DPP10: variants seen among roughly 807,000 people sequenced by gnomAD.
DPP10 encodes inactive dipeptidyl peptidase 10.
DPP10 carries 33 observed loss-of-function variants against 120.9 expected under a neutral mutation model. That is an observed-to-expected ratio of 0.27 (90% CI 0.21 to 0.37). The LOEUF is 0.37. Ranked by LOEUF, DPP10 falls within the 10% of genes least tolerant of loss-of-function variation. The pLI is 1.00. For synonymous variants in DPP10, 337 were observed against 326.1 expected (o/e 1.03, Z -0.36); for missense variants, 816 against 942.8 (o/e 0.87, Z 1.76).
chr2:115,689,687 A>T lies in DPP10; in HGVS notation c.442A>T (p.Ile148Phe), dbSNP rs2091200260. Residue 148 changes from isoleucine (I) to phenylalanine (F), a missense_variant and splice_region_variant, in exon 6 of 26, where the codon ATT becomes TTT. This residue lies in a region of DPP10 where 182 missense variants were observed against 207.4 expected (regional missense o/e 0.88). Transcript: ENST00000410059. ...YVLLAYDVKQIFHYSYTASYV... is the reference protein window; with the variant it reads ...YVLLAYDVKQFFHYSYTASYV... ...AATAATGTTTCTTTTTTAATTTCAG[A>T]TTTTTCATTATTCGTATACTGCTTC... 6.5e-7 allele frequency: 1 copy of T among 1,528,786 alleles called. No homozygotes were observed. The highest frequency in any genetic ancestry group is 1.9e-5 in the Admixed American group (1 of 52,400). 94.7% of individuals were successfully genotyped at this position (1,528,786 alleles called of 1,614,324 possible). A position where few individuals can be genotyped will look rare whatever the true frequency, so the allele number is the denominator to read the frequency against.
At chr2:114,610,116 A>T (rs1693162996) in intron 1 of DPP10, among the ~76,000 whole-genome samples, 1 of 152,152 alleles carries the variant, frequency 6.6e-6, no homozygotes, top group African/African-American at 2.4e-5. Context: ...TCTCCATCTT[A>T]CGGATGACGA....
At chr2:115,220,540 C>T (rs975586227) in intron 1 of DPP10, among the ~76,000 whole-genome samples, 1 of 151,844 alleles carries the variant, frequency 6.6e-6, no homozygotes, top group African/African-American at 2.4e-5. Context: ...AGTGAGACCC[C>T]CATCTCTATA....
At chr2:115,354,543 T>G (rs1040020318) in intron 3 of DPP10, among the ~76,000 whole-genome samples, 1 of 152,204 alleles carries the variant, frequency 6.6e-6, no homozygotes, top group African/African-American at 2.4e-5. Context: ...TTTTTATGGC[T>G]GCATAGTATT....
At chr2:115,446,052 C>T (rs1470667771) in intron 3 of DPP10, among the ~76,000 whole-genome samples, 1 of 152,136 alleles carries the variant, frequency 6.6e-6, no homozygotes, top group Non-Finnish European at 1.5e-5. Context: ...GACTTGGTGT[C>T]CTGTAGCCCA....
intron 1 of DPP10, among the ~76,000 whole-genome samples, chr2:115,217,376 A>G (rs767256646): frequency 2.0e-5 from 3 of 152,176 alleles, no homozygotes; most frequent in Admixed American, 6.5e-5. Flanking sequence ...GGCTCATTCA[A>G]TATTAATTCT....
intron 1 of DPP10, among the ~76,000 whole-genome samples, chr2:114,870,003 C>A (rs1193803401): frequency 6.6e-6 from 1 of 152,168 alleles, no homozygotes; most frequent in Non-Finnish European, 1.5e-5. Context: ...AAAAGAGTCA[C>A]AGTTATATAA....
chr2:115,210,366 G>C (rs1432979589), intron 1 of DPP10, among the ~76,000 whole-genome samples: 1 of 151,964 alleles, frequency 6.6e-6, no homozygotes, highest in African/African-American at 2.4e-5. Context: ...TTTTTTATGG[G>C]TGCATAGTAT....
At chr2:114,889,873 C>G (rs1015166755) in intron 1 of DPP10, among the ~76,000 whole-genome samples, 1 of 152,158 alleles carries the variant, frequency 6.6e-6, no homozygotes, top group African/African-American at 2.4e-5. Flanking sequence ...AACAGAAATA[C>G]ATGCTGTATA....
At chr2:115,639,551 A>G (rs992634069) in intron 5 of DPP10, among the ~76,000 whole-genome samples, 1 of 152,168 alleles carries the variant, frequency 6.6e-6, no homozygotes, top group African/African-American at 2.4e-5. Flanking sequence ...GGTTTATGCA[A>G]AGAACCAAAG....
chr2:114,944,054 A>G (rs1430225782), intron 1 of DPP10, among the ~76,000 whole-genome samples: 2 of 152,138 alleles, frequency 1.3e-5, no homozygotes, highest in African/African-American at 4.8e-5. Context: ...TATGTTAAAT[A>G]TCTTAGGGTA....
chr2:115,031,647 C>G (rs1703849562), intron 1 of DPP10, among the ~76,000 whole-genome samples: 1 of 152,072 alleles, frequency 6.6e-6, no homozygotes, highest in African/African-American at 2.4e-5. Context: ...ATCCTTTTCT[C>G]CAATAATTTC....
rs79746187 is a variant in DPP10 at position 114,888,925 on chromosome 2, G to A, written c.61-420314G>A. Among the ~76,000 whole-genome samples, 729 of 152,216 alleles carry A rather than the reference G, an allele frequency of 4.8e-3. 6 individuals are homozygous for A. The highest frequency in any genetic ancestry group is 0.017 in the African/African-American group (708 of 41,526). Reference sequence around the variant, plus strand: ...TGTGCCCCTCCCAAATTCGTGTGTTGAAATCTTAACCCTCAATACTTCAGA... The same window carrying A: ...TGTGCCCCTCCCAAATTCGTGTGTTAAAATCTTAACCCTCAATACTTCAGA... On this transcript the variant is annotated intron_variant, in intron 1 of 25. Coordinates refer to ENST00000410059, the MANE Select transcript of DPP10 (RefSeq NM_020868.6).
chr2:115,377,368 T>C (rs2065893291), intron 3 of DPP10, among the ~76,000 whole-genome samples: 1 of 152,228 alleles, frequency 6.6e-6, no homozygotes, highest in Non-Finnish European at 1.5e-5. Flanking sequence ...AAGTGTCTGT[T>C]CATGTCCTTC....
chr2:114,980,208 CTCAA>C (rs1425916484), intron 1 of DPP10, among the ~76,000 whole-genome samples: 2 of 151,968 alleles, frequency 1.3e-5, no homozygotes, highest in African/African-American at 4.8e-5. Context: ...TTCTTGATTC[CTCAA>C]TCAGACAGCC....
At chr2:115,357,027 C>T (rs2064439202) in intron 3 of DPP10, among the ~76,000 whole-genome samples, 1 of 152,166 alleles carries the variant, frequency 6.6e-6, no homozygotes, top group African/African-American at 2.4e-5. Flanking sequence ...TTCCTCTCTC[C>T]CATCTTTTGT....
At chr2:115,675,240 A>C (rs2090166105) in intron 5 of DPP10, among the ~76,000 whole-genome samples, 2 of 152,184 alleles carry the variant, frequency 1.3e-5, no homozygotes, top group South Asian at 4.1e-4. Flanking sequence ...TTTAATCCAC[A>C]AACTCACTAT....
At chr2:115,806,224 A>G (rs1233314267) in intron 19 of DPP10, among the ~76,000 whole-genome samples, 2 of 152,158 alleles carry the variant, frequency 1.3e-5, no homozygotes, top group African/African-American at 2.4e-5. Context: ...TGCCTTGAGG[A>G]TATAATTGCT....
At chr2:115,170,818 AG>A (rs1407667260) in intron 1 of DPP10, among the ~76,000 whole-genome samples, 1 of 152,186 alleles carries the variant, frequency 6.6e-6, no homozygotes, top group Non-Finnish European at 1.5e-5. Flanking sequence ...ACATTTATGA[AG>A]GTTGCTTATA....
At chr2:115,483,847 A>G (rs116218087) in intron 3 of DPP10, among the ~76,000 whole-genome samples, 1 of 152,030 alleles carries the variant, frequency 6.6e-6, no homozygotes, top group African/African-American at 2.4e-5. Context: ...CAGGGCGTAT[A>G]TCTATATCTT....
Sources: allele counts gnomAD v4.1 joint callset (sites outside exome capture counted in the v4.1 genomes callset), GRCh38; gene constraint gnomAD v4.1.1; regional missense constraint gnomAD v4.1.1; transcripts MANE v1.5; gene names NCBI Gene and HGNC (gene_info 2026-07-23, HGNC 2026-07-21).